KDM4C: variants seen among roughly 807,000 people sequenced by gnomAD.
KDM4C encodes lysine demethylase 4C, also known as lysine-specific demethylase 4C.
KDM4C carries 81 observed loss-of-function variants against 129.3 expected under a neutral mutation model. That is an observed-to-expected ratio of 0.63 (90% CI 0.52 to 0.75). The LOEUF is 0.75. Among genes scored for constraint, KDM4C ranks in the 30% least tolerant of loss-of-function variants. KDM4C has a pLI of 0.00. For synonymous variants in KDM4C, 573 were observed against 456.1 expected (o/e 1.26, Z -3.26); for missense variants, 1,457 against 1,304.0 (o/e 1.12, Z -1.81).
At chr9:6,988,902 CTT>C (rs1818231412) in intron 11 of KDM4C, among the ~76,000 whole-genome samples, 1 of 152,024 alleles carries the variant, frequency 6.6e-6, no homozygotes, top group African/African-American at 2.4e-5. Flanking sequence ...CTTTCTATTC[CTT>C]TGTCCTTCTT....
chr9:6,766,433 A>G (rs778751138), intron 1 of KDM4C, among the ~76,000 whole-genome samples: 4 of 152,052 alleles, frequency 2.6e-5, no homozygotes, highest in Non-Finnish European at 5.9e-5. Context: ...GAAATTAGAA[A>G]TGTCAGACTT....
At chr9:6,905,783 G>C (rs1818206927) in intron 8 of KDM4C, among the ~76,000 whole-genome samples, 1 of 152,122 alleles carries the variant, frequency 6.6e-6, no homozygotes, top group South Asian at 2.1e-4. Flanking sequence ...AGGTGTCTGG[G>C]GCAAAGCTAA....
intron 4 of KDM4C, among the ~76,000 whole-genome samples, chr9:6,820,267 C>T (rs1208349567): frequency 6.6e-6 from 1 of 151,962 alleles, no homozygotes; most frequent in African/African-American, 2.4e-5. Context: ...GACTAAGTTC[C>T]AGTGAAAGGA....
chr9:6,987,906 C>T (rs1054211969), intron 11 of KDM4C, among the ~76,000 whole-genome samples: 3 of 151,682 alleles, frequency 2.0e-5, no homozygotes, highest in African/African-American at 7.3e-5. Flanking sequence ...TCTGTAATCC[C>T]TGCACTTTGA....
chr9:7,004,156 C>T (rs1377590403), intron 12 of KDM4C, among the ~76,000 whole-genome samples: 1 of 152,156 alleles, frequency 6.6e-6, no homozygotes, highest in Non-Finnish European at 1.5e-5. Flanking sequence ...GAGTTCCATC[C>T]ACAAGTCCTG....
intron 12 of KDM4C, among the ~76,000 whole-genome samples, chr9:7,007,429 T>G (rs1235553682): frequency 6.6e-6 from 1 of 152,240 alleles, no homozygotes; most frequent in East Asian, 1.9e-4. Context: ...TGGCAAACCT[T>G]GCAGACATTC....
chr9:6,933,731 C>T (rs569708333), intron 8 of KDM4C, among the ~76,000 whole-genome samples: 1 of 152,084 alleles, frequency 6.6e-6, no homozygotes, highest in South Asian at 2.1e-4. Flanking sequence ...TAGTTAAGAA[C>T]ATGGAGGTTT....
At chr9:6,859,368 G>C (rs925926214) in intron 5 of KDM4C, among the ~76,000 whole-genome samples, 1 of 151,502 alleles carries the variant, frequency 6.6e-6, no homozygotes, top group Admixed American at 6.6e-5. Flanking sequence ...CCAGCTACTC[G>C]GGAGGCTGAG....
At chr9:7,163,223 A>T (rs1290263622) in intron 19 of KDM4C, among the ~76,000 whole-genome samples, 1 of 152,118 alleles carries the variant, frequency 6.6e-6, no homozygotes, top group Non-Finnish European at 1.5e-5. Context: ...CTCTCAGTCA[A>T]AAGAAGTACC....
At position 6,826,879 on chromosome 9, in the gene KDM4C, A is replaced by AC. The variant is rs1215017131; in HGVS notation, c.435+12134_435+12135insC. ...GAAACTCCATCTCAAAAAAAAAAAA[A>AC]AGAAAATGTATCTTATTTTTATTGT... On this transcript the variant is annotated intron_variant, in intron 4 of 21. Coordinates refer to ENST00000381309, the MANE Select transcript of KDM4C (RefSeq NM_015061.6). Among the ~76,000 whole-genome samples the AC allele has an allele frequency of 4.6e-5, 7 of 152,158 alleles. No individual in the cohort carries two copies. The East Asian group carries it at 9.6e-4, about 21-fold the overall frequency.
chr9:6,935,048 G>T (rs1263084134), intron 8 of KDM4C, among the ~76,000 whole-genome samples: 2 of 151,944 alleles, frequency 1.3e-5, no homozygotes, highest in Non-Finnish European at 2.9e-5. Context: ...TGGTTTTGGG[G>T]AAAATTTTCC....
Position 7,174,631 on chromosome 9 carries a change from G to T in KDM4C, c.3073G>T (p.Val1025Leu). 2.5e-6 allele frequency: 4 copies of T among 1,614,172 alleles called. No homozygotes were observed. The highest frequency in any genetic ancestry group is 3.4e-6 in the Non-Finnish European group (4 of 1,179,978). The change falls in exon 22 of 22, where the codon GTG becomes TTG. Residue 1025 changes from valine to leucine, a missense_variant. Physicochemically the swap from Val to Leu is conservative, Grantham distance 32 (BLOSUM62 1). Transcript: ENST00000381309. ...IIQGERKRQR[V>L]LSSRFKNEYV... is the part of the protein sequence containing the mutation. ...CCAAGGGGAGAGAAAGAGACAAAGA[G>T]TGCTGAGCTCCAGGTTTAAGAATGA...
intron 17 of KDM4C, among the ~76,000 whole-genome samples, chr9:7,095,963 A>C (rs1836384641): frequency 6.6e-6 from 1 of 152,234 alleles, no homozygotes; most frequent in East Asian, 1.9e-4. Flanking sequence ...AAAGAAATAA[A>C]AATGCAAATA....
intron 8 of KDM4C, among the ~76,000 whole-genome samples, chr9:6,939,628 C>T (rs1825471700): frequency 6.6e-6 from 1 of 152,142 alleles, no homozygotes; most frequent in Non-Finnish European, 1.5e-5. Context: ...TACTTTGTTA[C>T]AGTGGTTATG....
At chr9:6,817,615 C>G (rs1832358713) in intron 4 of KDM4C, among the ~76,000 whole-genome samples, 1 of 151,996 alleles carries the variant, frequency 6.6e-6, no homozygotes, top group African/African-American at 2.4e-5. Context: ...CATTCTGCAT[C>G]TGAATTTTTA....
At chr9:6,863,711 C>T (rs1273149876) in intron 5 of KDM4C, among the ~76,000 whole-genome samples, 2 of 149,344 alleles carry the variant, frequency 1.3e-5, no homozygotes, top group Admixed American at 6.8e-5. Flanking sequence ...AGGAGAATGG[C>T]GTGAACCTGG....
At chr9:7,136,415 C>T (rs185822867) in intron 19 of KDM4C, among the ~76,000 whole-genome samples, 5 of 152,196 alleles carry the variant, frequency 3.3e-5, no homozygotes, top group East Asian at 3.8e-4. Context: ...AAACTGTTTT[C>T]CAAAGTGGCT....
intron 5 of KDM4C, among the ~76,000 whole-genome samples, chr9:6,866,293 C>T (rs902811844): frequency 1.3e-5 from 2 of 150,652 alleles, no homozygotes; most frequent in African/African-American, 2.4e-5. Context: ...CTTTTCTTTT[C>T]TTTTTCTGCT....
At chr9:7,136,317 T>A (rs923911078) in intron 19 of KDM4C, among the ~76,000 whole-genome samples, 1 of 152,236 alleles carries the variant, frequency 6.6e-6, no homozygotes, top group Non-Finnish European at 1.5e-5. Context: ...TGTATGGACA[T>A]GTGTTTTCAT....
Sources: allele counts gnomAD v4.1 joint callset (sites outside exome capture counted in the v4.1 genomes callset), GRCh38; gene constraint gnomAD v4.1.1; transcripts MANE v1.5; gene names NCBI Gene and HGNC (gene_info 2026-07-23, HGNC 2026-07-21).